Variants in PPFIA2 observed in about 807,000 individuals in gnomAD.
PPFIA2 encodes liprin-alpha-2.
In PPFIA2, 46 loss-of-function variants were observed where a neutral mutation model predicts 175.5. The observed-to-expected ratio is 0.26, with a 90% CI of 0.21 to 0.34. PPFIA2 has a LOEUF of 0.34. PPFIA2 is among the 10% of genes least tolerant of loss of function. The pLI, the probability that PPFIA2 is intolerant of heterozygous loss-of-function variation, is 1.00. For synonymous variants in PPFIA2, 568 were observed against 511.4 expected (o/e 1.11, Z -1.49); for missense variants, 1,179 against 1,506.1 (o/e 0.78, Z 3.60).
intron 7 of PPFIA2, among the ~76,000 whole-genome samples, chr12:81,407,420 T>C (rs560459458): frequency 6.6e-6 from 1 of 151,126 alleles, no homozygotes; most frequent in Middle Eastern, 3.2e-3. Context: ...GAGGCGGAGA[T>C]TGCAGTGAGC....
At chr12:81,391,427 C>A (rs1431833099) in intron 8 of PPFIA2, among the ~76,000 whole-genome samples, 1 of 151,764 alleles carries the variant, frequency 6.6e-6, no homozygotes, top group Non-Finnish European at 1.5e-5. Flanking sequence ...ATTACGATGG[C>A]CTTTGTTTTT....
At chr12:81,715,551 T>TC (rs1414260279) in intron 3 of PPFIA2, among the ~76,000 whole-genome samples, 1 of 151,720 alleles carries the variant, frequency 6.6e-6, no homozygotes, top group Non-Finnish European at 1.5e-5. Flanking sequence ...TCAGCTTTTT[T>TC]CCCCCAGTAA....
At chr12:81,614,194 C>A (rs1003771924) in intron 4 of PPFIA2, among the ~76,000 whole-genome samples, 9 of 152,156 alleles carry the variant, frequency 5.9e-5, no homozygotes, top group South Asian at 2.1e-4. Flanking sequence ...TGCTAATCCC[C>A]CTGCACATAT....
chr12:81,262,555 A>G (rs2035961415), intron 31 of PPFIA2, among the ~76,000 whole-genome samples: 1 of 152,190 alleles, frequency 6.6e-6, no homozygotes, highest in Non-Finnish European at 1.5e-5. Flanking sequence ...TATCTTAACA[A>G]ATAGCATGGG....
intron 4 of PPFIA2, among the ~76,000 whole-genome samples, chr12:81,633,204 G>T (rs1321786827): frequency 2.6e-5 from 4 of 152,012 alleles, no homozygotes; most frequent in African/African-American, 4.8e-5. Context: ...GGAGCTATAG[G>T]AAAAGGAAAT....
At chr12:81,496,380 T>C (rs965306475) in intron 4 of PPFIA2, among the ~76,000 whole-genome samples, 3 of 152,194 alleles carry the variant, frequency 2.0e-5, no homozygotes, top group African/African-American at 4.8e-5. Context: ...ATTGCCAATA[T>C]ATTAGATAAT....
chr12:81,476,596 T>C (rs1476298729), intron 4 of PPFIA2, among the ~76,000 whole-genome samples: 1 of 152,158 alleles, frequency 6.6e-6, no homozygotes, highest in Non-Finnish European at 1.5e-5. Flanking sequence ...CACATTTCAA[T>C]AGTGAAAGTG....
rs536131205 is a variant in PPFIA2 at position 81,459,381 on chromosome 12, TGTAG to T, written c.304-1519_304-1516del. On this transcript the variant is annotated intron_variant, in intron 4 of 32. Transcript: ENST00000549396. ...GATTCTTTATTGCACATTATTAACA[TGTAG>T]GCATTCAGAAAAAATCTTATACTTA... 6.0e-3 allele frequency among the ~76,000 whole-genome samples: 909 copies of T among 152,254 alleles called. 8 individuals are homozygous for T. Among genetic ancestry groups the T allele is most frequent in the Middle Eastern group, 0.01 (3 of 294 alleles).
chr12:81,554,722 T>A (rs17008698), intron 4 of PPFIA2, among the ~76,000 whole-genome samples: 1,772 of 152,164 alleles, frequency 0.012, 41 homozygotes, highest in East Asian at 0.042. Flanking sequence ...TGTATTCCAA[T>A]TAAGGGAACA....
At chr12:81,687,157 G>C (rs1056039244) in intron 3 of PPFIA2, among the ~76,000 whole-genome samples, 1 of 151,988 alleles carries the variant, frequency 6.6e-6, no homozygotes, top group African/African-American at 2.4e-5. Flanking sequence ...AATATAGACA[G>C]GTTACTTCTG....
At chr12:81,655,011 T>G (rs772331584) in intron 4 of PPFIA2, among the ~76,000 whole-genome samples, 25 of 152,096 alleles carry the variant, frequency 1.6e-4, no homozygotes, top group Non-Finnish European at 2.9e-4. Flanking sequence ...TCACCTGAAT[T>G]TTTTATTTCT....
intron 4 of PPFIA2, among the ~76,000 whole-genome samples, chr12:81,638,773 C>T (rs1266116832): frequency 5.6e-5 from 8 of 143,888 alleles, no homozygotes; most frequent in Admixed American, 4.2e-4. Context: ...CTGCAAGCTC[C>T]GCCTCCCGGG....
chr12:81,676,594 AGTT>A (rs992557646), intron 4 of PPFIA2, 194 bp downstream of exon 4: 1 of 356,650 alleles, frequency 2.8e-6, no homozygotes, highest in African/African-American at 2.1e-5. Flanking sequence ...AATTTTTATG[AGTT>A]GTTAAAACTT....
chr12:81,292,863 T>C (rs1333471402), intron 24 of PPFIA2: 1 of 152,000 alleles, frequency 6.6e-6, no homozygotes, highest in African/African-American at 2.4e-5. Flanking sequence ...AAAAATAATA[T>C]AGGTAAGAAT....
intron 9 of PPFIA2, among the ~76,000 whole-genome samples, chr12:81,382,846 G>C (rs1197617775): frequency 6.6e-6 from 1 of 152,090 alleles, no homozygotes; most frequent in Admixed American, 6.6e-5. Flanking sequence ...GATGATGGTG[G>C]CTTTTGGAGC....
In PPFIA2 at chr12:81,343,602, C is replaced by T. The variant is rs916592081; in HGVS notation, c.2262+1062G>A. On this transcript the variant is annotated intron_variant, in intron 19 of 32. Coordinates refer to ENST00000549396, the MANE Select transcript of PPFIA2 (RefSeq NM_003625.5). ...TGGGTGTAAGCTGACTACCACATCT[C>T]GAAGATGCTGAGGAATAGATTTTTG... Among the ~76,000 whole-genome samples the T allele has an allele frequency of 2.0e-5, 3 of 151,994 alleles. No individual in the cohort carries two copies. In the South Asian group the frequency reaches 6.2e-4, roughly 32 times the overall value.
intron 4 of PPFIA2, among the ~76,000 whole-genome samples, chr12:81,623,498 A>T (rs1434502227): frequency 6.6e-6 from 1 of 152,036 alleles, no homozygotes; most frequent in Non-Finnish European, 1.5e-5. Flanking sequence ...AGACTGAAAG[A>T]TGTATCACTA....
At chr12:81,310,680 A>C (rs1261328267) in intron 22 of PPFIA2, among the ~76,000 whole-genome samples, 3 of 152,194 alleles carry the variant, frequency 2.0e-5, no homozygotes, top group Non-Finnish European at 4.4e-5. Flanking sequence ...AAAAGAGCTT[A>C]CAATATTCAT....
intron 22 of PPFIA2, among the ~76,000 whole-genome samples, chr12:81,306,705 T>C (rs1412361284): frequency 1.3e-5 from 2 of 151,672 alleles, no homozygotes; most frequent in African/African-American, 2.4e-5. Flanking sequence ...CATGCCTGGC[T>C]AAATTTTTGT....
Sources: gnomAD v4.1 joint callset for allele counts (sites outside exome capture counted in the v4.1 genomes callset) on GRCh38, gnomAD v4.1.1 for gene constraint, MANE v1.5 for transcripts, NCBI Gene and HGNC (gene_info 2026-07-23, HGNC 2026-07-21) for gene names.